GALE: variants seen among roughly 807,000 people sequenced by gnomAD.
GALE encodes UDP-glucose 4-epimerase.
In GALE, 32 loss-of-function variants were observed where a neutral mutation model predicts 44.1. The observed-to-expected ratio is 0.73, with a 90% CI of 0.55 to 0.97. GALE has a LOEUF of 0.97. Among genes scored for constraint, GALE ranks in the 50% least tolerant of loss-of-function variants. The pLI, the probability that GALE is intolerant of heterozygous loss-of-function variation, is 0.00. For synonymous variants in GALE, 182 were observed against 183.5 expected (o/e 0.99, Z 0.06); for missense variants, 423 against 455.6 (o/e 0.93, Z 0.65).
Position 23,798,109 on chromosome 1 carries a change from C to G in GALE, c.351+8G>C. 1 of 1,604,520 alleles carries G rather than the reference C, an allele frequency of 6.2e-7. No homozygotes were observed. Among genetic ancestry groups the G allele is most frequent in the Non-Finnish European group, 8.5e-7 (1 of 1,171,184 alleles). Reference sequence around the variant, plus strand: ...CCTAGTGTCTGTGCCCTGTCCCATGCCTCTCACCTCCAGAAGCTGGATGGT... The same window carrying G: ...CCTAGTGTCTGTGCCCTGTCCCATGGCTCTCACCTCCAGAAGCTGGATGGT... On this transcript the variant is annotated splice_region_variant and intron_variant, in intron 5 of 11. Coordinates refer to ENST00000617979, the MANE Select transcript of GALE (RefSeq NM_001008216.2). The surrounding 1 kb of genome is among the most constrained non-coding windows in gnomAD (Gnocchi z 4.5).
chr1:23,800,087 G>A (rs1639081901), intron 1 of GALE: 1 of 152,240 alleles, frequency 6.6e-6, no homozygotes, highest in Non-Finnish European at 1.5e-5. Context: ...CGGTGAGACA[G>A]GTGTTATCAC....
chr1:23,798,305 A>G lies in GALE; in HGVS notation c.238-75T>C. 9.9e-7 allele frequency: 1 copy of G among 1,015,162 alleles called. No individual in the cohort carries two copies. Among genetic ancestry groups the G allele is most frequent in the Non-Finnish European group, 1.5e-6 (1 of 679,410 alleles). The allele number at this position is 1,015,162 out of a possible 1,614,324, so 62.9% of individuals were successfully genotyped here. On this transcript the variant is annotated intron_variant, in intron 4 of 11. Coordinates refer to ENST00000617979, the MANE Select transcript of GALE (RefSeq NM_001008216.2). The surrounding 1 kb of genome is among the most constrained non-coding windows in gnomAD (Gnocchi z 4.5). Reference sequence around the variant, plus strand: ...CAATGCCCTCAGCCTGCCTGCCTGCACTCACCTTTTTTTTTTTTTTTGACA... The same window carrying G: ...CAATGCCCTCAGCCTGCCTGCCTGCGCTCACCTTTTTTTTTTTTTTTGACA...
In GALE at chr1:23,798,630, C is replaced by A; in HGVS notation, c.222G>T (p.Gln74His). 6.2e-7 allele frequency: 1 copy of A among 1,613,452 alleles called. No homozygotes were observed. The highest frequency in any genetic ancestry group is 8.5e-7 in the Non-Finnish European group (1 of 1,179,522). Residue 74 changes from glutamine to histidine, a missense_variant, in exon 4 of 12, where the codon CAG becomes CAT. By Grantham distance (24) the Gln-to-His change is conservative (BLOSUM62 0). Coordinates refer to ENST00000617979, the MANE Select transcript of GALE (RefSeq NM_001008216.2). The surrounding 1 kb of genome is among the most constrained non-coding windows in gnomAD (Gnocchi z 4.5). ...EMDILDQGALQRLFKKYSFMA... is the reference protein window; with the variant it reads ...EMDILDQGALHRLFKKYSFMA... ...CTGCACCCACCTTTTTGAAGAGACG[C>A]TGTAGGGCTCCCTGGTCCAAAATGT...
chr1:23,799,280 G>C lies in GALE; in HGVS notation c.-6+86C>G. The C allele has an allele frequency of 1.2e-5, 6 of 489,846 alleles. No homozygotes were observed. In the South Asian group the frequency reaches 1.2e-4, roughly 10 times the overall value. 30.3% of individuals were successfully genotyped at this position (489,846 alleles called of 1,614,324 possible). A position where few individuals can be genotyped will look rare whatever the true frequency, so the allele number is the denominator to read the frequency against. ...TATAAACTTCATGAGGCAGCGTGAG[G>C]GTTCAGTGAGGTGATCTTAAGGGCC... On this transcript the variant is annotated intron_variant, in intron 2 of 11. Transcript: ENST00000617979.
Position 23,797,733 on chromosome 1 carries a change from TGAA to T in GALE, c.487_489del (p.Phe163del). 1 of 1,614,158 alleles carries T rather than the reference TGAA, an allele frequency of 6.2e-7. No individual in the cohort carries two copies. Among genetic ancestry groups the T allele is most frequent in the Non-Finnish European group, 8.5e-7 (1 of 1,180,024 alleles). On this transcript the variant is annotated inframe_deletion, in exon 6 of 12. Coordinates refer to ENST00000617979, the MANE Select transcript of GALE (RefSeq NM_001008216.2). ...CACAGGTCCCGGATCATTTCCTCGA[TGAA>T]GAACTTGGACTTGCCGTAAGGGTTG...
At chr1:23,799,295 T>TC in intron 2 of GALE, 71 bp downstream of exon 2, 1 of 467,506 alleles carries the variant, frequency 2.1e-6, no homozygotes, top group East Asian at 4.2e-5. Context: ...AGTGAGGTGA[T>TC]CTTAAGGGCC....
chr1:23,795,902 A>G lies in GALE; in HGVS notation c.*47T>C, dbSNP rs376864677. On this transcript the variant is annotated 3_prime_UTR_variant, in exon 12 of 12. Coordinates refer to ENST00000617979, the MANE Select transcript of GALE (RefSeq NM_001008216.2). ...GCCCTGAGTTCCTGCCAGAGGCTGG[A>G]GAGCAGGCAGCTGCTGCTTTTCCTG... 1.3e-6 allele frequency: 2 copies of G among 1,576,260 alleles called. No individual in the cohort carries two copies. The highest frequency in any genetic ancestry group is 2.2e-5 in the South Asian group (2 of 89,844).
chr1:23,799,124 T>C (rs1639056064), intron 2 of GALE, 112 bp from the exon 3 acceptor site: 1 of 1,428,182 alleles, frequency 7.0e-7, no homozygotes, highest in Admixed American at 1.9e-5. Flanking sequence ...CAGTGTGCCC[T>C]AGGTACCAGA....
chr1:23,796,314 G>A lies in GALE; in HGVS notation c.874-49C>T, dbSNP rs1237071643. On this transcript the variant is annotated intron_variant, in intron 10 of 11. Transcript: ENST00000617979. This position sits in a 1 kb window ranked among gnomAD's most constrained non-coding sequence, Gnocchi z 5.2. ...GCTTAGCTGAGCCGGCCCTGGCCCA[G>A]CTGCTGGCCAGGTCTTTAAGAAGCA... The A allele has an allele frequency of 2.6e-6, 4 of 1,557,378 alleles. No individual in the cohort carries two copies. Among genetic ancestry groups the A allele is most frequent in the African/African-American group, 2.7e-5 (2 of 73,836 alleles).
At position 23,798,312 on chromosome 1, in the gene GALE, T is replaced by G. The variant is rs907721390; in HGVS notation, c.238-82A>C. On this transcript the variant is annotated intron_variant, in intron 4 of 11. Transcript: ENST00000617979. This position sits in a 1 kb window ranked among gnomAD's most constrained non-coding sequence, Gnocchi z 4.5. ...CTCAGCCTGCCTGCCTGCACTCACC[T>G]TTTTTTTTTTTTTTGACAGTCTCGC... is the stretch of plus-strand genomic sequence containing the variant. 3 of 206,482 alleles carry G rather than the reference T, an allele frequency of 1.5e-5. No homozygotes were observed. The highest frequency in any genetic ancestry group is 1.2e-3 in the Middle Eastern group (1 of 842). 12.8% of individuals were successfully genotyped at this position (206,482 alleles called of 1,614,324 possible).
Position 23,797,708 on chromosome 1 carries a change from C to T in GALE, c.515G>A (p.Cys172Tyr). ...GGGGGCCCTCACCTTGTCTGCCTGG[C>T]ACAGGTCCCGGATCATTTCCTCGAT... The part of the protein sequence containing the change: ...FFIEEMIRDL[C>Y]QADKTWNAVL... The change falls in exon 6 of 12, where the codon TGC becomes TAC. Residue 172 changes from cysteine (C) to tyrosine (Y), a missense_variant. Cys to Tyr is a radical substitution (Grantham distance 194). Transcript: ENST00000617979. 4 of 1,614,088 alleles carry T rather than the reference C, an allele frequency of 2.5e-6. No homozygotes were observed. Among genetic ancestry groups the T allele is most frequent in the Non-Finnish European group, 3.4e-6 (4 of 1,179,992 alleles).
Position 23,796,163 on chromosome 1 carries a change from G to T in GALE, c.976C>A (p.Leu326Met), listed in dbSNP as rs999547822. ...EELGWTAALG[L>M]DRMCEDLWRW... ...GGCCAGCACTCACACATCCTGTCCA[G>T]CCCTAAGGCTGCTGTCCACCCCAGC... is the stretch of plus-strand genomic sequence containing the variant. The change falls in exon 11 of 12, where the codon CTG becomes ATG. Residue 326 changes from leucine (L) to methionine (M), a missense_variant. Leu to Met is a conservative substitution (Grantham distance 15, BLOSUM62 2). Transcript: ENST00000617979. This position sits in a 1 kb window ranked among gnomAD's most constrained non-coding sequence, Gnocchi z 5.2. The T allele has an allele frequency of 1.2e-6, 2 of 1,613,656 alleles. No individual in the cohort carries two copies. Among genetic ancestry groups the T allele is most frequent in the Admixed American group, 3.3e-5 (2 of 60,014 alleles).
At position 23,797,878 on chromosome 1, in the gene GALE, G is replaced by A. The variant is rs762919578; in HGVS notation, c.352-7C>T. On this transcript the variant is annotated splice_polypyrimidine_tract_variant and splice_region_variant and intron_variant, in intron 5 of 11. Transcript: ENST00000617979. ...CCCCGTGGGCCTTCATGATCTGGCCGTGGAGAGATGGCATCAGTGACCTCT... is the reference window on the plus strand; with the variant it reads ...CCCCGTGGGCCTTCATGATCTGGCCATGGAGAGATGGCATCAGTGACCTCT... 1.2e-5 allele frequency: 19 copies of A among 1,613,926 alleles called. No individual in the cohort carries two copies. Among genetic ancestry groups the A allele is most frequent in the Admixed American group, 3.3e-5 (2 of 60,012 alleles).
At chr1:23,799,197 GAA>G in intron 2 of GALE, 167 bp downstream of exon 2, 1 of 685,864 alleles carries the variant, frequency 1.5e-6, no homozygotes. Context: ...TTAGGCTTTG[GAA>G]ATTAATTAGC....
At position 23,798,113 on chromosome 1, in the gene GALE, T is replaced by C; in HGVS notation, c.351+4A>G. Reference sequence around the variant, plus strand: ...GTGTCTGTGCCCTGTCCCATGCCTCTCACCTCCAGAAGCTGGATGGTCCCG... The same window carrying C: ...GTGTCTGTGCCCTGTCCCATGCCTCCCACCTCCAGAAGCTGGATGGTCCCG... On this transcript the variant is annotated splice_donor_region_variant and intron_variant, in intron 5 of 11. Coordinates refer to ENST00000617979, the MANE Select transcript of GALE (RefSeq NM_001008216.2). This position sits in a 1 kb window ranked among gnomAD's most constrained non-coding sequence, Gnocchi z 4.5. 1 of 1,609,544 alleles carries C rather than the reference T, an allele frequency of 6.2e-7. No homozygotes were observed. The highest frequency in any genetic ancestry group is 8.5e-7 in the Non-Finnish European group (1 of 1,175,796).
In GALE at chr1:23,798,190, G is replaced by A; in HGVS notation, c.278C>T (p.Ala93Val). 6.2e-7 allele frequency: 1 copy of A among 1,614,068 alleles called. No homozygotes were observed. Among genetic ancestry groups the A allele is most frequent in the South Asian group, 1.1e-5 (1 of 91,086 alleles). ...AGGCTTCTGCACCGACTCGCCCACG[G>A]CCTTGAGCCCCGCAAAGTGGATGAC... Reference protein sequence around the residue: ...MAVIHFAGLKAVGESVQKPLD... With the variant: ...MAVIHFAGLKVVGESVQKPLD... Residue 93 changes from alanine (A) to valine (V), a missense_variant, in exon 5 of 12, where the codon GCC becomes GTC. Physicochemically the swap from Ala to Val is moderately conservative, Grantham distance 64. Coordinates refer to ENST00000617979, the MANE Select transcript of GALE (RefSeq NM_001008216.2). The surrounding 1 kb of genome is among the most constrained non-coding windows in gnomAD (Gnocchi z 4.5).
At position 23,800,742 on chromosome 1, in the gene GALE, G is replaced by C. The variant is rs914484603; in HGVS notation, c.-107C>G. ...CGGGTTCCCGCGCCCCACGCTTGCT[G>C]CAGAGGCACCGCCTCCTACGCCCGA... On this transcript the variant is annotated 5_prime_UTR_variant, in exon 1 of 12. Transcript: ENST00000617979. 3 of 152,112 alleles carry C rather than the reference G, an allele frequency of 2.0e-5. No homozygotes were observed. The highest frequency in any genetic ancestry group is 4.8e-5 in the African/African-American group (2 of 41,394). The allele number at this position is 152,112 out of a possible 1,614,324, so 9.4% of individuals were successfully genotyped here. A position where few individuals can be genotyped will look rare whatever the true frequency, so the allele number is the denominator to read the frequency against.
Position 23,798,656 on chromosome 1 carries a change from C to T in GALE, c.196G>A (p.Asp66Asn), listed in dbSNP as rs768667841. ...TGTAGGGCTCCCTGGTCCAAAATGT[C>T]CATCTCCTCAAACTCCACAGAGCGG... The part of the protein sequence containing the change: ...TGRSVEFEEM[D>N]ILDQGALQRL... The change falls in exon 4 of 12, where the codon GAC becomes AAC. Residue 66 changes from aspartate (D) to asparagine (N), a missense_variant. Transcript: ENST00000617979. This position sits in a 1 kb window ranked among gnomAD's most constrained non-coding sequence, Gnocchi z 4.5. The T allele has an allele frequency of 2.5e-6, 4 of 1,613,818 alleles. No homozygotes were observed. The Admixed American group carries it at 5.0e-5, about 20-fold the overall frequency.
In GALE at chr1:23,796,432, G is replaced by T; in HGVS notation, c.873+77C>A. The T allele has an allele frequency of 1.3e-6, 2 of 1,525,124 alleles. No homozygotes were observed. Among genetic ancestry groups the T allele is most frequent in the South Asian group, 2.3e-5 (2 of 88,636 alleles). The allele number at this position is 1,525,124 out of a possible 1,614,324, so 94.5% of individuals were successfully genotyped here. A position where few individuals can be genotyped will look rare whatever the true frequency, so the allele number is the denominator to read the frequency against. Reference sequence around the variant, plus strand: ...CAGGTACCCTCCAGAGAGGTGAGTGGGAAGGGCCAAAGCTGCTCTGTTGCT... The same window carrying T: ...CAGGTACCCTCCAGAGAGGTGAGTGTGAAGGGCCAAAGCTGCTCTGTTGCT... On this transcript the variant is annotated intron_variant, in intron 10 of 11. Transcript: ENST00000617979. This position sits in a 1 kb window ranked among gnomAD's most constrained non-coding sequence, Gnocchi z 5.2.
Sources: allele counts gnomAD v4.1 joint callset, GRCh38; gene constraint gnomAD v4.1.1; non-coding constraint Gnocchi (gnomAD v3.1); transcripts MANE v1.5; gene names NCBI Gene and HGNC (gene_info 2026-07-23, HGNC 2026-07-21).